PCDHGA8: variants seen among roughly 807,000 people sequenced by gnomAD.
PCDHGA8 encodes protocadherin gamma-A8.
Under a neutral mutation model 59.2 loss-of-function variants are expected in PCDHGA8, and 45 were observed. The ratio of observed to expected loss-of-function variants is 0.76; its 90% CI spans 0.60 to 0.98. The LOEUF (loss-of-function observed/expected upper bound fraction) is 0.98. PCDHGA8 is among the 50% of genes least tolerant of loss of function. PCDHGA8 has a pLI of 0.00. For synonymous variants in PCDHGA8, 531 were observed against 519.0 expected, an observed-to-expected ratio of 1.02 and a Z score of -0.32; for missense variants, 1,257 against 1,196.2, an observed-to-expected ratio of 1.05 and a Z score of -0.75.
chr5:141,433,256 C>T, intron 1 of PCDHGA8: 2 of 1,385,666 alleles, frequency 1.4e-6, no homozygotes, highest in Non-Finnish European at 2.0e-6. Context: ...TGCAGCGGTA[C>T]GATCATAGCT....
At chr5:141,447,613 A>G (rs1169186870) in intron 1 of PCDHGA8, among the ~76,000 whole-genome samples, 1 of 152,186 alleles carries the variant, frequency 6.6e-6, no homozygotes, top group Admixed American at 6.5e-5. Context: ...TTAGCATTTT[A>G]AAGTTGAAAC....
chr5:141,410,617 T>A, intron 1 of PCDHGA8: 2 of 1,603,978 alleles, frequency 1.2e-6, no homozygotes, highest in Non-Finnish European at 1.7e-6. Flanking sequence ...AGACTCTGAC[T>A]TCGGTGAGTT....
At chr5:141,397,693 A>G (rs1389804077) in intron 1 of PCDHGA8, among the ~76,000 whole-genome samples, 2 of 152,244 alleles carry the variant, frequency 1.3e-5, no homozygotes, top group East Asian at 1.9e-4. Flanking sequence ...TTGTATAAAA[A>G]CCCAACGTGA....
chr5:141,413,483 G>A (rs2095646690), intron 1 of PCDHGA8: 1 of 1,614,080 alleles, frequency 6.2e-7, no homozygotes, highest in East Asian at 2.2e-5. Flanking sequence ...TGCGCTCAGA[G>A]CGCGCGGTGC....
intron 1 of PCDHGA8, among the ~76,000 whole-genome samples, chr5:141,492,164 C>G (rs1180358388): frequency 6.6e-6 from 1 of 152,230 alleles, no homozygotes; most frequent in Non-Finnish European, 1.5e-5. Context: ...CTCCCTATCC[C>G]CGCATCACCC....
At position 141,422,383 on chromosome 5, in the gene PCDHGA8, T is replaced by C. The variant is rs201301291; in HGVS notation, c.2424+27146T>C. On this transcript the variant is annotated intron_variant, in intron 1 of 3. Transcript: ENST00000398604. ...TGGAGAAAATGGTCAAGTCTCCTGT[T>C]TTATTCCTAACCACCTGCCTTTTAA... 554 of 1,586,008 alleles carry C rather than the reference T, an allele frequency of 3.5e-4. 2 individuals are homozygous for C. The African/African-American group carries it at 6.9e-3, about 20-fold the overall frequency.
chr5:141,478,076 C>G (rs1486983629), intron 1 of PCDHGA8: 2 of 1,614,106 alleles, frequency 1.2e-6, no homozygotes, highest in Non-Finnish European at 1.7e-6. Context: ...CAATGGGGAG[C>G]CTTCGCTCTC....
At chr5:141,417,874 C>G in intron 1 of PCDHGA8, 9 of 1,555,320 alleles carry the variant, frequency 5.8e-6, no homozygotes, top group Non-Finnish European at 7.8e-6. Context: ...GAGGGAGCTG[C>G]GCGCAGAGGC....
At chr5:141,420,160 T>G in intron 1 of PCDHGA8, 1 of 1,614,044 alleles carries the variant, frequency 6.2e-7, no homozygotes, top group Non-Finnish European at 8.5e-7. Flanking sequence ...AATTTAATTT[T>G]TTCACATCTG....
At chr5:141,422,473 G>A (rs2096650443) in intron 1 of PCDHGA8, 7 of 1,613,740 alleles carry the variant, frequency 4.3e-6, no homozygotes, top group Non-Finnish European at 5.1e-6. Context: ...CAGGGAGTTG[G>A]TCCAGAGCTA....
intron 1 of PCDHGA8, among the ~76,000 whole-genome samples, chr5:141,425,864 A>T (rs2096899427): frequency 6.6e-6 from 1 of 152,254 alleles, no homozygotes; most frequent in African/African-American, 2.4e-5. Flanking sequence ...TGTTCTATAG[A>T]TTCCCATCTC....
At chr5:141,435,271 T>C (rs1242477213) in intron 1 of PCDHGA8, among the ~76,000 whole-genome samples, 1 of 152,216 alleles carries the variant, frequency 6.6e-6, no homozygotes, top group African/African-American at 2.4e-5. Context: ...CCATTTATAC[T>C]TTCTCAGTAT....
rs1452697214 is a variant in PCDHGA8, at chr5:141,476,552, G to A, written c.2425-18255G>A. ...CCAGGAAATGAAATTGGAGATTAGCGAGGCCGTGGCTCCGGGGACGCGCTT... is the reference window on the plus strand; with the variant it reads ...CCAGGAAATGAAATTGGAGATTAGCAAGGCCGTGGCTCCGGGGACGCGCTT... On this transcript the variant is annotated intron_variant, in intron 1 of 3. Transcript: ENST00000398604. The surrounding 1 kb of genome is among the most constrained non-coding windows in gnomAD (Gnocchi z 7.6). 1 of 1,614,210 alleles carries A rather than the reference G, an allele frequency of 6.2e-7. No homozygotes were observed. Among genetic ancestry groups the A allele is most frequent in the Non-Finnish European group, 8.5e-7 (1 of 1,180,032 alleles).
chr5:141,464,419 A>C (rs2099083824), intron 1 of PCDHGA8, among the ~76,000 whole-genome samples: 1 of 151,658 alleles, frequency 6.6e-6, no homozygotes, highest in Non-Finnish European at 1.5e-5. Flanking sequence ...ATATATCTAT[A>C]TATATAGATA....
chr5:141,403,909 A>G (rs2094466419), intron 1 of PCDHGA8: 1 of 1,613,946 alleles, frequency 6.2e-7, no homozygotes, highest in East Asian at 2.2e-5. Context: ...AAATGGAAAT[A>G]CAAGCTGAAG....
At chr5:141,467,361 G>T (rs555435172) in intron 1 of PCDHGA8, among the ~76,000 whole-genome samples, 2 of 151,742 alleles carry the variant, frequency 1.3e-5, no homozygotes, top group Non-Finnish European at 2.9e-5. Flanking sequence ...CCAAATCAAC[G>T]TTTTCTTATA....
At chr5:141,398,568 G>A (rs761294182) in intron 1 of PCDHGA8, 5 of 1,614,014 alleles carry the variant, frequency 3.1e-6, no homozygotes, top group African/African-American at 1.3e-5. Flanking sequence ...AGTCTGCACA[G>A]CCTGGCACAA....
At chr5:141,507,132 C>T (rs748716107) in intron 3 of PCDHGA8, 2 of 152,188 alleles carry the variant, frequency 1.3e-5, no homozygotes, top group African/African-American at 2.4e-5. Flanking sequence ...GATCCAGCCT[C>T]GGCTTCTCTA....
chr5:141,394,159 C>T lies in PCDHGA8; in HGVS notation c.1346C>T (p.Pro449Leu). The change falls in exon 1 of 4, where the codon CCT (proline) becomes CTT (leucine). Residue 449 changes from proline to leucine, a missense_variant. Coordinates refer to ENST00000398604, the MANE Select transcript of PCDHGA8 (RefSeq NM_032088.2). ...CACGTGGCAGACATTAACGACAACC[C>T]TCCTACTTTCCCTCATGCCTCCTAC... ...ALHVADINDN[P>L]PTFPHASYSA... The T allele has an allele frequency of 6.2e-7, 1 of 1,613,916 alleles. No individual in the cohort carries two copies. The highest frequency in any genetic ancestry group is 8.5e-7 in the Non-Finnish European group (1 of 1,179,862).
Sources: allele counts gnomAD v4.1 joint callset (sites outside exome capture counted in the v4.1 genomes callset), GRCh38; gene constraint gnomAD v4.1.1; non-coding constraint Gnocchi (gnomAD v3.1); transcripts MANE v1.5; gene names NCBI Gene and HGNC (gene_info 2026-07-23, HGNC 2026-07-21).